KIF1B: variants seen among roughly 807,000 people sequenced by gnomAD.
The protein encoded by KIF1B is kinesin family member 1B.
A neutral mutation model predicts 241.9 loss-of-function variants in KIF1B; 76 were observed. The observed-to-expected ratio is 0.31, with a 90% CI of 0.26 to 0.38. The LOEUF (loss-of-function observed/expected upper bound fraction) is 0.38, where lower values mean the gene tolerates loss of function less well. Ranked by LOEUF, KIF1B falls within the 10% of genes least tolerant of loss-of-function variation. The pLI is 1.00. For missense variants in KIF1B, 1,622 were observed against 2,271.4 expected, an observed-to-expected ratio of 0.71 and a Z score of 5.81; for synonymous variants, 750 against 796.7, an observed-to-expected ratio of 0.94 and a Z score of 0.99.
intron 2 of KIF1B, among the ~76,000 whole-genome samples, chr1:10,254,718 T>C (rs1647664986): frequency 6.6e-6 from 1 of 151,406 alleles, no homozygotes. Context: ...CTACTAAAAA[T>C]ACAAAAAAAT....
At chr1:10,313,398 T>C (rs2102284714) in intron 22 of KIF1B, among the ~76,000 whole-genome samples, 1 of 151,264 alleles carries the variant, frequency 6.6e-6, no homozygotes. Context: ...ATTGAGAAGA[T>C]TGTAATAATT....
chr1:10,300,981 A>G (rs1650513310), intron 22 of KIF1B, among the ~76,000 whole-genome samples: 1 of 152,134 alleles, frequency 6.6e-6, no homozygotes, highest in South Asian at 2.1e-4. Flanking sequence ...CAGAGGCCAA[A>G]TTATTATTAT....
At chr1:10,224,814 A>G (rs1646890188) in intron 1 of KIF1B, among the ~76,000 whole-genome samples, 1 of 152,186 alleles carries the variant, frequency 6.6e-6, no homozygotes, top group African/African-American at 2.4e-5. Flanking sequence ...TAACTATTGT[A>G]TTCAAGACCC....
chr1:10,253,874 G>C (rs1647608912), intron 2 of KIF1B, among the ~76,000 whole-genome samples: 1 of 152,172 alleles, frequency 6.6e-6, no homozygotes. Context: ...TTTGAGGTTG[G>C]AACATAAATG....
intron 13 of KIF1B, chr1:10,278,721 A>G (rs1649248403): frequency 1.0e-5 from 2 of 198,942 alleles, no homozygotes; most frequent in Admixed American, 1.0e-4. Flanking sequence ...TTGTATTAAA[A>G]TTTATCTTAA....
chr1:10,219,401 A>G (rs1646810753), intron 1 of KIF1B, among the ~76,000 whole-genome samples: 1 of 150,404 alleles, frequency 6.6e-6, no homozygotes, highest in Non-Finnish European at 1.5e-5. Flanking sequence ...CGGAGGTTGC[A>G]GTGAGCCGAG....
rs754578961 is a variant in KIF1B at position 10,375,138 on chromosome 1, A to G, written c.5289+92A>G. On this transcript the variant is annotated intron_variant, in intron 47 of 48. Coordinates refer to ENST00000676179, the MANE Select transcript of KIF1B (RefSeq NM_001365951.3). ...CTGTTACGTGGTGTGAAATTTCCCT[A>G]TTCTCTCTGGTTTTGAACTTCCTTT... 9.3e-4 allele frequency: 1,417 copies of G among 1,516,118 alleles called. 1 individual carries two copies. The highest frequency in any genetic ancestry group is 1.1e-3 in the South Asian group (100 of 88,974). 93.9% of individuals were successfully genotyped at this position (1,516,118 alleles called of 1,614,324 possible).
At chr1:10,317,918 C>G (rs758859278) in intron 22 of KIF1B, among the ~76,000 whole-genome samples, 3 of 151,118 alleles carry the variant, frequency 2.0e-5, no homozygotes, top group Non-Finnish European at 4.4e-5. Context: ...ATCTCTTGGT[C>G]CTTCCTCTAG....
At chr1:10,313,267 A>G (rs1002489010) in intron 22 of KIF1B, among the ~76,000 whole-genome samples, 1 of 151,248 alleles carries the variant, frequency 6.6e-6, no homozygotes, top group Admixed American at 6.6e-5. Context: ...GAGTTTTGCC[A>G]TGGTGACCAG....
At chr1:10,290,992 C>T (rs1649969101) in intron 15 of KIF1B, 90 bp from the exon 16 acceptor site, 2 of 971,080 alleles carry the variant, frequency 2.1e-6, no homozygotes, top group East Asian at 4.8e-5. Flanking sequence ...CCTGTATCCT[C>T]AAAGGGCATG....
intron 22 of KIF1B, chr1:10,304,150 A>AG: frequency 1.2e-6 from 2 of 1,614,232 alleles, no homozygotes; most frequent in Non-Finnish European, 1.7e-6. Flanking sequence ...TATAGAGCTT[A>AG]GGATTCCAAA....
At chr1:10,286,465 C>T (rs1649721051) in intron 15 of KIF1B, among the ~76,000 whole-genome samples, 1 of 152,202 alleles carries the variant, frequency 6.6e-6, no homozygotes, top group South Asian at 2.1e-4. Flanking sequence ...CACAAATATC[C>T]ATTACAGAAG....
At chr1:10,316,555 C>T (rs1651313194) in intron 22 of KIF1B, among the ~76,000 whole-genome samples, 1 of 150,954 alleles carries the variant, frequency 6.6e-6, no homozygotes, top group Admixed American at 6.6e-5. Flanking sequence ...GGCTGGAGTA[C>T]AGTGGCACGA....
chr1:10,360,803 G>A, intron 38 of KIF1B, 126 bp from the exon 39 acceptor site: 1 of 741,724 alleles, frequency 1.3e-6, no homozygotes, highest in Non-Finnish European at 2.5e-6. Context: ...TGTTATTAGA[G>A]TTTGATAAAC....
At chr1:10,332,535 A>G (rs1333854938) in intron 27 of KIF1B, among the ~76,000 whole-genome samples, 1 of 50,396 alleles carries the variant, frequency 2.0e-5, no homozygotes, top group Non-Finnish European at 3.3e-5. Flanking sequence ...TTTTTTTTTG[A>G]GACGGAGTCT....
chr1:10,332,532 T>G, intron 27 of KIF1B, among the ~76,000 whole-genome samples: 1 of 89,424 alleles, frequency 1.1e-5, no homozygotes, highest in Admixed American at 1.3e-4. Context: ...TTTTTTTTTT[T>G]TGAGACGGAG....
intron 1 of KIF1B, among the ~76,000 whole-genome samples, chr1:10,227,355 C>G (rs1294648347): frequency 1.3e-5 from 2 of 152,064 alleles, no homozygotes; most frequent in African/African-American, 4.8e-5. Context: ...GTTATAAAAC[C>G]CTGTCTCCCC....
At position 10,381,029 on chromosome 1, in the gene KIF1B, A is replaced by G. The variant is rs746547953; in HGVS notation, c.*4442A>G. The G allele has an allele frequency of 8.5e-5, 19 of 223,412 alleles. No homozygotes were observed. The highest frequency in any genetic ancestry group is 1.5e-4 in the Non-Finnish European group (17 of 111,994). The allele number at this position is 223,412 out of a possible 1,614,324, so 13.8% of individuals were successfully genotyped here. On this transcript the variant is annotated 3_prime_UTR_variant, in exon 49 of 49. Transcript: ENST00000676179. ...TGCTATAAAATTCAGTAAAAAGCTC[A>G]TAGCCAAACGGCTGTGCTCAGATGG...
At chr1:10,354,702 A>G (rs1257516561) in intron 38 of KIF1B, among the ~76,000 whole-genome samples, 2 of 152,228 alleles carry the variant, frequency 1.3e-5, no homozygotes, top group African/African-American at 4.8e-5. Context: ...GATACTACTG[A>G]CATTTGATAA....
Sources: allele counts gnomAD v4.1 joint callset (sites outside exome capture counted in the v4.1 genomes callset), GRCh38; gene constraint gnomAD v4.1.1; transcripts MANE v1.5; gene names NCBI Gene and HGNC (gene_info 2026-07-23, HGNC 2026-07-21).